Variants in WWOX observed in about 807,000 individuals in gnomAD.
The protein encoded by WWOX is WW domain containing oxidoreductase, also known as WW domain-containing oxidoreductase.
Under a neutral mutation model 46.2 loss-of-function variants are expected in WWOX, and 69 were observed. That is an observed-to-expected ratio of 1.49 (90% confidence interval 1.23 to 1.82). WWOX has a LOEUF of 1.82. WWOX is among the 40% of genes most tolerant of loss of function. The probability of loss-of-function intolerance (pLI) is 0.00; values close to 1 mark genes in which losing one functional copy is unlikely to be tolerated. For synonymous variants in WWOX, 359 were observed against 202.6 expected (o/e 1.77, Z -6.56); for missense variants, 919 against 542.6 (o/e 1.69, Z -6.89).
intron 8 of WWOX, among the ~76,000 whole-genome samples, chr16:78,595,570 A>C (rs1288134719): frequency 6.6e-6 from 1 of 152,216 alleles, no homozygotes; most frequent in Non-Finnish European, 1.5e-5. Context: ...ACAGTTAGCT[A>C]TCAGAGATAT....
Position 78,558,677 on chromosome 16 carries a change from C to G in WWOX, c.1056+125925C>G, listed in dbSNP as rs138378468. Among the ~76,000 whole-genome samples, 3 of 152,336 alleles carry G rather than the reference C, an allele frequency of 2.0e-5. No homozygotes were observed. The East Asian group carries it at 5.8e-4, about 29-fold the overall frequency. ...TTGGTTCTCATAGGTCTCCCTGATT[C>G]CAGCCTCCAATTCACTGAGCTGGCC... On this transcript the variant is annotated intron_variant, in intron 8 of 8. Coordinates refer to ENST00000566780, the MANE Select transcript of WWOX (RefSeq NM_016373.4).
chr16:78,510,974 C>T (rs2085346758), intron 8 of WWOX, among the ~76,000 whole-genome samples: 1 of 152,190 alleles, frequency 6.6e-6, no homozygotes, highest in African/African-American at 2.4e-5. Flanking sequence ...TTGAGGGGAG[C>T]AAGATGACAT....
intron 8 of WWOX, among the ~76,000 whole-genome samples, chr16:79,090,586 A>G (rs2048939738): frequency 1.3e-5 from 2 of 152,172 alleles, no homozygotes; most frequent in African/African-American, 4.8e-5. Flanking sequence ...GAGGACAGGA[A>G]GACGATGCTG....
rs529936813 is a variant in WWOX at position 78,802,593 on chromosome 16, G to A, written c.1056+369841G>A. The stretch of plus-strand genomic sequence containing the variant: ...TAACAACTAATTAATAAATATTTGT[G>A]AATATAGTGAGTGACTAAAGTAATG... On this transcript the variant is annotated intron_variant, in intron 8 of 8. Coordinates refer to ENST00000566780, the MANE Select transcript of WWOX (RefSeq NM_016373.4). 2.0e-5 allele frequency among the ~76,000 whole-genome samples: 3 copies of A among 152,116 alleles called. No individual in the cohort carries two copies. In the East Asian group the frequency reaches 5.8e-4, roughly 29 times the overall value.
chr16:79,102,436 C>G (rs2049220326), intron 8 of WWOX, among the ~76,000 whole-genome samples: 1 of 152,116 alleles, frequency 6.6e-6, no homozygotes, highest in Non-Finnish European at 1.5e-5. Flanking sequence ...TGCTAATACA[C>G]TGCTAGGAGC....
chr16:79,120,170 C>A (rs142400536), intron 8 of WWOX, among the ~76,000 whole-genome samples: 2 of 152,216 alleles, frequency 1.3e-5, no homozygotes, highest in Non-Finnish European at 2.9e-5. Context: ...ATTTTCCATA[C>A]GGCCTGTGAG....
intron 6 of WWOX, among the ~76,000 whole-genome samples, chr16:78,414,581 C>G (rs778171655): frequency 1.3e-5 from 2 of 151,726 alleles, no homozygotes; most frequent in Non-Finnish European, 2.9e-5. Flanking sequence ...AACAAACAAA[C>G]AAAAAGCAAA....
chr16:78,814,501 T>C lies in WWOX; in HGVS notation c.1056+381749T>C, dbSNP rs550849671. Among the ~76,000 whole-genome samples the C allele has an allele frequency of 9.9e-5, 15 of 152,280 alleles. No homozygotes were observed. In the East Asian group the frequency reaches 2.7e-3, roughly 27 times the overall value. ...AAAAAAATTAAGTGAACCTCTACTT[T>C]AGAATGTTGGCTTTTCATATATGTA... On this transcript the variant is annotated intron_variant, in intron 8 of 8. Transcript: ENST00000566780.
intron 8 of WWOX, among the ~76,000 whole-genome samples, chr16:78,956,004 A>AC (rs1283291332): frequency 6.6e-6 from 1 of 151,456 alleles, no homozygotes; most frequent in Non-Finnish European, 1.5e-5. Flanking sequence ...AAAAAAACAC[A>AC]AAAAAAACTT....
intron 8 of WWOX, among the ~76,000 whole-genome samples, chr16:79,193,598 A>T (rs557990444): frequency 4.6e-5 from 7 of 152,180 alleles, no homozygotes; most frequent in African/African-American, 1.7e-4. Context: ...TGGATAAAGT[A>T]AGCGTTTCAT....
At position 78,516,441 on chromosome 16, in the gene WWOX, C is replaced by A. The variant is rs541363658; in HGVS notation, c.1056+83689C>A. 2.0e-5 allele frequency among the ~76,000 whole-genome samples: 3 copies of A among 152,278 alleles called. No homozygotes were observed. The South Asian group carries it at 6.2e-4, about 32-fold the overall frequency. On this transcript the variant is annotated intron_variant, in intron 8 of 8. Transcript: ENST00000566780. ...TCTGTTATTTATGGTAGCTAGATTT[C>A]TATTCATTTTTAATTCCCATGCTCA...
intron 8 of WWOX, among the ~76,000 whole-genome samples, chr16:78,881,249 G>A (rs1038793233): frequency 2.6e-5 from 4 of 151,954 alleles, no homozygotes; most frequent in Non-Finnish European, 2.9e-5. Context: ...AGCGATTCAC[G>A]TGCCTCAGCC....
chr16:79,180,155 G>T (rs569919733), intron 8 of WWOX, among the ~76,000 whole-genome samples: 1 of 152,116 alleles, frequency 6.6e-6, no homozygotes, highest in Non-Finnish European at 1.5e-5. Flanking sequence ...TTGGTCACGG[G>T]TACATCAAAA....
At chr16:78,512,712 A>G (rs2085391451) in intron 8 of WWOX, among the ~76,000 whole-genome samples, 4 of 151,354 alleles carry the variant, frequency 2.6e-5, no homozygotes, top group Admixed American at 2.6e-4. Context: ...GTGGTAAATA[A>G]TTAATTTTTT....
chr16:79,125,684 A>G (rs576711105), intron 8 of WWOX, among the ~76,000 whole-genome samples: 5 of 152,300 alleles, frequency 3.3e-5, no homozygotes, highest in African/African-American at 7.2e-5. Context: ...GCCATGGACC[A>G]AGTGTCAACA....
At chr16:78,346,212 C>T (rs1412688076) in intron 5 of WWOX, among the ~76,000 whole-genome samples, 3 of 121,666 alleles carry the variant, frequency 2.5e-5, no homozygotes, top group East Asian at 3.9e-4. Context: ...GTGGCTTACT[C>T]ATTGTCATTG....
intron 8 of WWOX, among the ~76,000 whole-genome samples, chr16:79,035,991 G>T (rs2047858688): frequency 6.6e-6 from 1 of 152,148 alleles, no homozygotes; most frequent in Admixed American, 6.5e-5. Flanking sequence ...TTTTTGCTTG[G>T]CTTAAGAATC....
intron 6 of WWOX, among the ~76,000 whole-genome samples, chr16:78,401,399 T>C (rs552662530): frequency 1.7e-4 from 26 of 152,324 alleles, no homozygotes; most frequent in African/African-American, 6.0e-4. Context: ...AAAATTCTAA[T>C]AGGCTGAAAT....
Position 78,342,374 on chromosome 16 carries a change from C to T in WWOX, c.517-44486C>T, listed in dbSNP as rs1244798969. Among the ~76,000 whole-genome samples, 3 of 121,234 alleles carry T rather than the reference C, an allele frequency of 2.5e-5. 1 individual carries two copies. The highest frequency in any genetic ancestry group is 5.9e-5 in the Non-Finnish European group (3 of 50,668). The allele number at this position is 121,234 out of a possible 152,430, so 79.5% of individuals were successfully genotyped here. A position where few individuals can be genotyped will look rare whatever the true frequency, so the allele number is the denominator to read the frequency against. ...CTCGTGAAGGCAGACTTGAAGGGGA[C>T]TCCACTGTCTTGGAGCTACACTCTA... On this transcript the variant is annotated intron_variant, in intron 5 of 8. Transcript: ENST00000566780.
Sources: allele counts gnomAD v4.1 joint callset (sites outside exome capture counted in the v4.1 genomes callset), GRCh38; gene constraint gnomAD v4.1.1; transcripts MANE v1.5; gene names NCBI Gene and HGNC (gene_info 2026-07-23, HGNC 2026-07-21).